The following CIMAP2 variants were observed in gnomAD, a reference collection of about 807,000 sequenced individuals.
CIMAP2 encodes ciliary microtubule-associated protein 2.
the CIMAP2 span, among the ~76,000 whole-genome samples, chr1:54,835,815 G>A: frequency 6.6e-6 from 1 of 151,622 alleles, no homozygotes; most frequent in Non-Finnish European, 1.5e-5. Flanking sequence ...AAGGCAGGTC[G>A]GGCCCAGGAC....
chr1:54,811,939 C>G, the CIMAP2 span: 1 of 1,614,156 alleles, frequency 6.2e-7, no homozygotes, highest in Non-Finnish European at 8.5e-7. Flanking sequence ...CAGGTACCCC[C>G]TCGGCTGGCC....
At chr1:54,814,576 C>T in the CIMAP2 span, among the ~76,000 whole-genome samples, 2 of 152,348 alleles carry the variant, frequency 1.3e-5, no homozygotes, top group Non-Finnish European at 2.9e-5. Flanking sequence ...AAGGGTGAGA[C>T]GGGGCTGGGA....
At chr1:54,806,255 G>C in the CIMAP2 span, 3 of 1,465,600 alleles carry the variant, frequency 2.0e-6, no homozygotes, top group African/African-American at 1.5e-5. Context: ...TCACGCCCAC[G>C]GTCCAAAGCA....
chr1:54,838,979 C>T, the CIMAP2 span, among the ~76,000 whole-genome samples: 1 of 152,234 alleles, frequency 6.6e-6, no homozygotes, highest in South Asian at 2.1e-4. Context: ...GCTGCAAAGT[C>T]ACATTGGAAA....
the CIMAP2 span, among the ~76,000 whole-genome samples, chr1:54,828,325 A>AT: frequency 5.7e-4 from 84 of 147,856 alleles, no homozygotes; most frequent in Admixed American, 3.2e-3. Flanking sequence ...AAAGGATTCC[A>AT]TTTTTTTTTT....
chr1:54,828,785 A>G, the CIMAP2 span, among the ~76,000 whole-genome samples: 1 of 152,362 alleles, frequency 6.6e-6, no homozygotes, highest in South Asian at 2.1e-4. Context: ...AAAAATAGAA[A>G]TCTTTATTAA....
the CIMAP2 span, chr1:54,811,771 AT>A: frequency 2.3e-6 from 1 of 440,400 alleles, no homozygotes; most frequent in South Asian, 1.6e-5. Context: ...GACAGCCTCC[AT>A]GCCCCCACCC....
the CIMAP2 span, among the ~76,000 whole-genome samples, chr1:54,833,841 C>CT: frequency 9.3e-5 from 14 of 150,658 alleles, no homozygotes; most frequent in South Asian, 6.3e-4. Context: ...ATGATTTGTT[C>CT]TTTTTTTTTT....
At chr1:54,841,586 G>A in the CIMAP2 span, 1 of 1,614,062 alleles carries the variant, frequency 6.2e-7, no homozygotes, top group East Asian at 2.2e-5. Context: ...GAGCTGAACT[G>A]AGTGTGAATT....
At chr1:54,828,385 G>A in the CIMAP2 span, among the ~76,000 whole-genome samples, 1 of 152,174 alleles carries the variant, frequency 6.6e-6, no homozygotes, top group Non-Finnish European at 1.5e-5. Context: ...ACCCAGGGCT[G>A]CAGTGGCATG....
the CIMAP2 span, chr1:54,813,766 T>G: frequency 6.5e-7 from 1 of 1,541,052 alleles, no homozygotes; most frequent in East Asian, 2.3e-5. Context: ...AGAAAGGAGC[T>G]CTTGATTTTC....
chr1:54,818,374 TC>T, the CIMAP2 span, among the ~76,000 whole-genome samples: 2 of 151,892 alleles, frequency 1.3e-5, no homozygotes, highest in Non-Finnish European at 2.9e-5. Flanking sequence ...ACTCTAGTTT[TC>T]TTTTTTTTTC....
At chr1:54,841,887 G>A in the CIMAP2 span, 1 of 1,550,706 alleles carries the variant, frequency 6.4e-7, no homozygotes, top group East Asian at 2.4e-5. Context: ...CACATGCGAA[G>A]GACAGCCTGC....
At chr1:54,810,636 A>G in the CIMAP2 span, among the ~76,000 whole-genome samples, 3 of 152,172 alleles carry the variant, frequency 2.0e-5, no homozygotes, top group Non-Finnish European at 4.4e-5. Flanking sequence ...TGAGCCATCT[A>G]TGGAGCAGCA....
the CIMAP2 span, chr1:54,811,764 A>AGCCGGGGGGGGGGGGG: frequency 2.7e-6 from 3 of 1,097,916 alleles, no homozygotes; most frequent in Non-Finnish European, 2.7e-6. Context: ...TGGTTCTGAC[A>AGCCGGGGGGGGGGGGG]GCCTCCATGC....
At chr1:54,813,925 C>G in the CIMAP2 span, 3 of 1,613,270 alleles carry the variant, frequency 1.9e-6, no homozygotes, top group African/African-American at 4.0e-5. Flanking sequence ...CCCGAAAACC[C>G]CTACAGAGAG....
the CIMAP2 span, among the ~76,000 whole-genome samples, chr1:54,837,115 G>A: frequency 6.6e-6 from 1 of 152,022 alleles, no homozygotes; most frequent in African/African-American, 2.4e-5. Context: ...TAAAAAATGA[G>A]TCCTAGATTG....
chr1:54,826,821 A>G, the CIMAP2 span, among the ~76,000 whole-genome samples: 2 of 152,186 alleles, frequency 1.3e-5, no homozygotes, highest in African/African-American at 4.8e-5. Context: ...CAGAAGTTCT[A>G]TGCTGAATTC....
At chr1:54,807,316 C>T in the CIMAP2 span, among the ~76,000 whole-genome samples, 1 of 152,230 alleles carries the variant, frequency 6.6e-6, no homozygotes, top group Non-Finnish European at 1.5e-5. Context: ...GTTATACCTT[C>T]CTGCAGTGTG....
Sources: allele counts gnomAD v4.1 joint callset (sites outside exome capture counted in the v4.1 genomes callset), GRCh38; gene constraint gnomAD v4.1.1; transcripts MANE v1.5; gene names NCBI Gene and HGNC (gene_info 2026-07-23, HGNC 2026-07-21).